FANK1: variants seen among roughly 807,000 people sequenced by gnomAD.
FANK1 encodes fibronectin type 3 and ankyrin repeat domains protein 1.
In FANK1, 44 loss-of-function variants were observed where a neutral mutation model predicts 45.3. The observed-to-expected ratio is 0.97, with a 90% CI of 0.76 to 1.25. The LOEUF is 1.25. FANK1 is among the 50% of genes most tolerant of loss of function. The probability of loss-of-function intolerance (pLI) is 0.00; values close to 1 mark genes in which losing one functional copy is unlikely to be tolerated. For synonymous variants in FANK1, 149 were observed against 152.5 expected (o/e 0.98, Z 0.17); for missense variants, 391 against 424.4 (o/e 0.92, Z 0.69).
intron 1 of FANK1, among the ~76,000 whole-genome samples, chr10:125,923,755 T>G (rs1422750750): frequency 6.6e-6 from 1 of 152,088 alleles, no homozygotes; most frequent in Non-Finnish European, 1.5e-5. Flanking sequence ...CTCAAACTCC[T>G]GAACTTAAGC....
chr10:125,952,444 C>T (rs1590016872), intron 1 of FANK1, among the ~76,000 whole-genome samples: 1 of 152,150 alleles, frequency 6.6e-6, no homozygotes, highest in East Asian at 1.9e-4. Flanking sequence ...TTATAGTGTG[C>T]AGATTTCATC....
intron 1 of FANK1, among the ~76,000 whole-genome samples, chr10:125,975,161 G>C (rs571837934): frequency 6.6e-6 from 1 of 152,098 alleles, no homozygotes; most frequent in Non-Finnish European, 1.5e-5. Context: ...CCATGTTCCC[G>C]CACAAGACCT....
chr10:125,953,432 T>A (rs1276070401), intron 1 of FANK1, among the ~76,000 whole-genome samples: 3 of 152,164 alleles, frequency 2.0e-5, no homozygotes, highest in Non-Finnish European at 4.4e-5. Context: ...AGGGAGGTGG[T>A]GTGGGTGATG....
At chr10:125,943,768 T>A (rs1948603388) in intron 1 of FANK1, among the ~76,000 whole-genome samples, 1 of 152,248 alleles carries the variant, frequency 6.6e-6, no homozygotes, top group Non-Finnish European at 1.5e-5. Context: ...CCTTGAATAC[T>A]AAGTTGGCAT....
At chr10:125,987,687 T>C (rs1384373677) in intron 2 of FANK1, among the ~76,000 whole-genome samples, 1 of 152,052 alleles carries the variant, frequency 6.6e-6, no homozygotes, top group Admixed American at 6.5e-5. Flanking sequence ...AGGTTTTGGG[T>C]AATACTGGGA....
intron 3 of FANK1, among the ~76,000 whole-genome samples, chr10:125,991,692 A>G (rs549289230): frequency 3.9e-5 from 6 of 152,254 alleles, no homozygotes; most frequent in South Asian, 4.1e-4. Context: ...GAGGCTTACA[A>G]TTTTAATCAG....
At chr10:125,977,461 T>G (rs527846230) in intron 1 of FANK1, among the ~76,000 whole-genome samples, 1 of 152,154 alleles carries the variant, frequency 6.6e-6, no homozygotes, top group Non-Finnish European at 1.5e-5. Flanking sequence ...CTCCCCTGTT[T>G]CCTCACAGTT....
At chr10:125,907,715 T>C (rs1945652222) in intron 1 of FANK1, among the ~76,000 whole-genome samples, 1 of 152,140 alleles carries the variant, frequency 6.6e-6, no homozygotes, top group Non-Finnish European at 1.5e-5. Context: ...AGATTCTCCT[T>C]GCTGATTTGA....
intron 2 of FANK1, among the ~76,000 whole-genome samples, chr10:125,986,821 T>C (rs1390405904): frequency 6.6e-6 from 1 of 152,204 alleles, no homozygotes; most frequent in Non-Finnish European, 1.5e-5. Flanking sequence ...ATTACTTGTT[T>C]GATGGATGAA....
intron 1 of FANK1, among the ~76,000 whole-genome samples, chr10:125,899,267 T>C (rs1363544348): frequency 1.3e-5 from 2 of 152,234 alleles, no homozygotes; most frequent in African/African-American, 4.8e-5. Flanking sequence ...TCCATGTTGG[T>C]CCGGCTGGTC....
intron 1 of FANK1, among the ~76,000 whole-genome samples, chr10:125,950,612 T>C (rs909390376): frequency 7.9e-5 from 12 of 152,136 alleles, no homozygotes; most frequent in African/African-American, 2.9e-4. Flanking sequence ...GGAGAGGATG[T>C]GGAGAAATAG....
chr10:125,944,915 A>C (rs1015083443), intron 1 of FANK1, among the ~76,000 whole-genome samples: 1 of 152,090 alleles, frequency 6.6e-6, no homozygotes, highest in African/African-American at 2.4e-5. Flanking sequence ...CTGATTTCCC[A>C]CTTCACACCT....
chr10:125,930,275 C>T (rs1350239499), intron 1 of FANK1, among the ~76,000 whole-genome samples: 3 of 151,994 alleles, frequency 2.0e-5, no homozygotes, highest in Non-Finnish European at 2.9e-5. Context: ...CTCAGGTGAC[C>T]CGCCTGCCTA....
At chr10:125,949,505 C>G (rs1215553515) in intron 1 of FANK1, among the ~76,000 whole-genome samples, 1 of 152,082 alleles carries the variant, frequency 6.6e-6, no homozygotes, top group African/African-American at 2.4e-5. Flanking sequence ...GAGTGAACTC[C>G]CATTCCCAAT....
chr10:125,985,045 A>G (rs1255173341), intron 2 of FANK1, among the ~76,000 whole-genome samples: 1 of 152,210 alleles, frequency 6.6e-6, no homozygotes, highest in Non-Finnish European at 1.5e-5. Context: ...TAGTGATGCA[A>G]GAATCTTCAG....
At chr10:125,999,572 C>A (rs528351276) in intron 6 of FANK1, among the ~76,000 whole-genome samples, 26 of 152,228 alleles carry the variant, frequency 1.7e-4, no homozygotes, top group African/African-American at 6.3e-4. Context: ...TCTCAATCAG[C>A]CAGTGTCATT....
rs1258899300 is a variant in FANK1 at position 125,983,647 on chromosome 10, G to GGC, written c.191+3310_191+3311dup. Reference sequence around the variant, plus strand: ...TAGCAAAGGGCAGGTGAGAAAGCCTGGCAGTACAAATGTACCTGGCTGGTC... The same window carrying GGC: ...TAGCAAAGGGCAGGTGAGAAAGCCTGGCGCAGTACAAATGTACCTGGCTGGTC... On this transcript the variant is annotated intron_variant, in intron 2 of 10. Transcript: ENST00000368693. The surrounding 1 kb of genome is among the most constrained non-coding windows in gnomAD (Gnocchi z 4.3). 2.0e-5 allele frequency among the ~76,000 whole-genome samples: 3 copies of GGC among 152,116 alleles called. No individual in the cohort carries two copies. Among genetic ancestry groups the GGC allele is most frequent in the African/African-American group, 7.2e-5 (3 of 41,416 alleles).
At chr10:125,974,479 G>A (rs538854845) in intron 1 of FANK1, among the ~76,000 whole-genome samples, 2 of 152,336 alleles carry the variant, frequency 1.3e-5, no homozygotes, top group Admixed American at 1.3e-4. Flanking sequence ...CAAAGGAAGT[G>A]TAAGACATGG....
At chr10:125,989,253 C>T (rs1951768421) in intron 3 of FANK1, 4 of 1,542,516 alleles carry the variant, frequency 2.6e-6, no homozygotes, top group East Asian at 2.4e-5. Context: ...TATTTTAAAG[C>T]ATTTTAAAGA....
Sources: allele counts gnomAD v4.1 joint callset (sites outside exome capture counted in the v4.1 genomes callset), GRCh38; gene constraint gnomAD v4.1.1; non-coding constraint Gnocchi (gnomAD v3.1); transcripts MANE v1.5; gene names NCBI Gene and HGNC (gene_info 2026-07-23, HGNC 2026-07-21).